The following CAMTA1 variants were observed in gnomAD, a reference collection of about 807,000 sequenced individuals.
CAMTA1 encodes the protein calmodulin-binding transcription activator 1.
Under a neutral mutation model 170.9 loss-of-function variants are expected in CAMTA1, and 27 were observed. That is an observed-to-expected ratio of 0.16 (90% CI 0.12 to 0.22). CAMTA1 has a LOEUF of 0.22. Ranked by LOEUF, CAMTA1 falls within the 10% of genes least tolerant of loss-of-function variation. CAMTA1 has a pLI of 1.00. For synonymous variants in CAMTA1, 833 were observed against 891.5 expected, an observed-to-expected ratio of 0.93 and a Z score of 1.17; for missense variants, 1,619 against 2,217.2, an observed-to-expected ratio of 0.73 and a Z score of 5.42.
intron 5 of CAMTA1, among the ~76,000 whole-genome samples, chr1:7,391,304 G>C (rs1256673690): frequency 6.8e-6 from 1 of 147,778 alleles, no homozygotes; most frequent in African/African-American, 2.6e-5. Context: ...GCTGTATCTG[G>C]ATGTTTTATG....
chr1:7,464,573 G>A (rs1448448933), intron 5 of CAMTA1, among the ~76,000 whole-genome samples: 6 of 152,186 alleles, frequency 3.9e-5, no homozygotes, highest in Admixed American at 1.3e-4. Context: ...GGGCTGGGCT[G>A]TAGGGTGGTT....
At chr1:7,434,196 G>T (rs557680244) in intron 5 of CAMTA1, among the ~76,000 whole-genome samples, 47 of 152,308 alleles carry the variant, frequency 3.1e-4, no homozygotes, top group Admixed American at 1.2e-3. Context: ...GCTGCTCTGA[G>T]CATTTGCAGA....
At chr1:7,691,769 G>A (rs191084676) in intron 11 of CAMTA1, among the ~76,000 whole-genome samples, 1 of 152,186 alleles carries the variant, frequency 6.6e-6, no homozygotes, top group Non-Finnish European at 1.5e-5. Context: ...AGAAAGAGAA[G>A]TCTGAAATGT....
intron 3 of CAMTA1, among the ~76,000 whole-genome samples, chr1:6,924,169 G>T (rs922241496): frequency 4.6e-5 from 7 of 152,194 alleles, no homozygotes; most frequent in Non-Finnish European, 1.5e-5. Flanking sequence ...CACTGTTCCC[G>T]GGACTGGGTG....
rs1227952390 is a variant in CAMTA1 at position 7,685,341 on chromosome 1, G to T, written c.2914+7608G>T. 6.6e-6 allele frequency among the ~76,000 whole-genome samples: 1 copy of T among 152,194 alleles called. No homozygotes were observed. Among genetic ancestry groups the T allele is most frequent in the Non-Finnish European group, 1.5e-5 (1 of 68,030 alleles). ...ATGCCCTCCTGTTGGAATGCTCAGG[G>T]ACGGCCATGGGGCAGCAGGATAGGG... On this transcript the variant is annotated intron_variant, in intron 11 of 22. Transcript: ENST00000303635. The surrounding 1 kb of genome is among the most constrained non-coding windows in gnomAD (Gnocchi z 5.7).
At chr1:6,828,231 T>C (rs527591462) in intron 3 of CAMTA1, among the ~76,000 whole-genome samples, 4 of 151,578 alleles carry the variant, frequency 2.6e-5, no homozygotes, top group African/African-American at 9.7e-5. Context: ...TTGTGATTGT[T>C]TGAAAAAACC....
chr1:6,870,041 A>C (rs1029380236), intron 3 of CAMTA1, among the ~76,000 whole-genome samples: 8 of 152,232 alleles, frequency 5.3e-5, no homozygotes. Flanking sequence ...AAGGAGGTAC[A>C]TAGAGATAAT....
At chr1:7,454,857 T>C (rs1230794488) in intron 5 of CAMTA1, among the ~76,000 whole-genome samples, 1 of 152,142 alleles carries the variant, frequency 6.6e-6, no homozygotes, top group African/African-American at 2.4e-5. Flanking sequence ...CTGCCCGAGA[T>C]CCCAGAGCGC....
intron 22 of CAMTA1, among the ~76,000 whole-genome samples, chr1:7,758,934 C>T (rs1228332230): frequency 1.3e-5 from 1 of 78,996 alleles, no homozygotes; most frequent in Non-Finnish European, 2.5e-5. Flanking sequence ...GACTCTGTCT[C>T]AAAAAAAAAA....
chr1:7,687,423 C>T (rs1193528748), intron 11 of CAMTA1, among the ~76,000 whole-genome samples: 2 of 152,042 alleles, frequency 1.3e-5, no homozygotes, highest in African/African-American at 4.8e-5. Flanking sequence ...AGAGGGAGCT[C>T]CACGGATTTG....
chr1:7,436,049 A>C (rs78003528), intron 5 of CAMTA1, among the ~76,000 whole-genome samples: 5,274 of 152,208 alleles, frequency 0.035, 298 homozygotes, highest in African/African-American at 0.12. Flanking sequence ...CTTTCTTAGA[A>C]CATTATTTAT....
chr1:7,676,542 C>T (rs1476795445), intron 10 of CAMTA1, among the ~76,000 whole-genome samples: 1 of 152,226 alleles, frequency 6.6e-6, no homozygotes, highest in African/African-American at 2.4e-5. Flanking sequence ...TCCTAGGGAG[C>T]GGCTGGCTTG....
rs534399852 is a variant in CAMTA1, at chr1:7,736,593, A to G, written c.3263+53A>G. ...GTCAGCCTCGCACATCCTCGCTCAC[A>G]TTCTTCCTGAGCACTGCCACCCGTG... On this transcript the variant is annotated intron_variant, in intron 13 of 22. Coordinates refer to ENST00000303635, the MANE Select transcript of CAMTA1 (RefSeq NM_015215.4). This position sits in a 1 kb window ranked among gnomAD's most constrained non-coding sequence, Gnocchi z 4.5. 2.1e-4 allele frequency: 325 copies of G among 1,548,898 alleles called. 5 individuals carry two copies. In the East Asian group the frequency reaches 7.2e-3, roughly 34 times the overall value.
intron 3 of CAMTA1, among the ~76,000 whole-genome samples, chr1:6,984,520 A>G (rs1348547275): frequency 1.3e-5 from 2 of 152,124 alleles, no homozygotes; most frequent in Non-Finnish European, 2.9e-5. Flanking sequence ...AGGCTAAGAC[A>G]GGGGAATCAC....
intron 7 of CAMTA1, among the ~76,000 whole-genome samples, chr1:7,648,460 G>A (rs1302980902): frequency 1.3e-5 from 2 of 152,182 alleles, no homozygotes; most frequent in African/African-American, 4.8e-5. Context: ...AGCTACAGGT[G>A]TGGGCACAGT....
Position 7,752,749 on chromosome 1 carries a change from A to G in CAMTA1, c.4958+216A>G, listed in dbSNP as rs150456270. Among the ~76,000 whole-genome samples the G allele has an allele frequency of 1.7e-3, 256 of 152,318 alleles. 3 individuals carry two copies. In the East Asian group the frequency reaches 0.045, roughly 27 times the overall value. On this transcript the variant is annotated intron_variant, in intron 21 of 22. Transcript: ENST00000303635. Reference sequence around the variant, plus strand: ...CATGTCAGACGATGCTGTTTGAACAATGGAGATTCATGCCCGTGTTTTTCT... The same window carrying G: ...CATGTCAGACGATGCTGTTTGAACAGTGGAGATTCATGCCCGTGTTTTTCT...
In CAMTA1 at chr1:7,385,838, C is replaced by T. The variant is rs568996090; in HGVS notation, c.439-81992C>T. On this transcript the variant is annotated intron_variant, in intron 5 of 22. Transcript: ENST00000303635. ...GCCTCCCAGCACTGGGCGCCTCTGA[C>T]GGTCTGATTGAAATCCGAGGCCCTC... is the stretch of plus-strand genomic sequence containing the variant. Among the ~76,000 whole-genome samples, 36 of 152,342 alleles carry T rather than the reference C, an allele frequency of 2.4e-4. No individual in the cohort carries two copies. The Middle Eastern group carries it at 0.02, about 86-fold the overall frequency.
intron 5 of CAMTA1, among the ~76,000 whole-genome samples, chr1:7,312,018 A>G (rs559258981): frequency 6.6e-6 from 1 of 152,268 alleles, no homozygotes; most frequent in Admixed American, 6.5e-5. Context: ...CCTCTCCACC[A>G]TCTCCTTGGG....
chr1:6,955,780 G>A (rs1689350746), intron 3 of CAMTA1, among the ~76,000 whole-genome samples: 1 of 152,156 alleles, frequency 6.6e-6, no homozygotes, highest in African/African-American at 2.4e-5. Context: ...TGTGGAGCAA[G>A]AAGCCATTTG....
Sources: gnomAD v4.1 joint callset for allele counts (sites outside exome capture counted in the v4.1 genomes callset) on GRCh38, gnomAD v4.1.1 for gene constraint, Gnocchi (gnomAD v3.1) non-coding constraint, MANE v1.5 for transcripts, NCBI Gene and HGNC (gene_info 2026-07-23, HGNC 2026-07-21) for gene names.